MUC5B: variants seen among roughly 807,000 people sequenced by gnomAD.
MUC5B encodes the protein mucin-5B.
In MUC5B, 116 loss-of-function variants were observed where a neutral mutation model predicts 376.9. The ratio of observed to expected loss-of-function variants is 0.31; its 90% confidence interval spans 0.26 to 0.36. MUC5B has a LOEUF of 0.36. Among genes scored for constraint, MUC5B ranks in the 10% least tolerant of loss-of-function variants. MUC5B has a pLI of 1.00. For synonymous variants in MUC5B, 3,517 were observed against 3,390.9 expected, an observed-to-expected ratio of 1.04 and a Z score of -1.29; for missense variants, 7,165 against 7,769.9, an observed-to-expected ratio of 0.92 and a Z score of 2.93.
Position 1,242,728 on chromosome 11 carries a change from A to G in MUC5B, c.5848A>G (p.Ser1950Gly), listed in dbSNP as rs199519417. 1.9e-4 allele frequency: 305 copies of G among 1,612,360 alleles called. No individual in the cohort carries two copies. In the African/African-American group the frequency reaches 2.6e-3, roughly 14 times the overall value. ...TTTATTPTVTSSKATPSSSPG... is the reference protein window; with the variant it reads ...TTTATTPTVTGSKATPSSSPG... ...CACGGCCACCACACCCACAGTCACC[A>G]GCTCCAAAGCCACTCCCTCCTCCAG... Residue 1950 changes from serine to glycine, a missense_variant, in exon 31 of 49, where the codon AGC becomes GGC. This residue lies in a region of MUC5B where 897 missense variants were observed against 779.6 expected (regional missense o/e 1.15). Transcript: ENST00000529681.
Position 1,232,698 on chromosome 11 carries a change from G to T in MUC5B, c.1993G>T (p.Ala665Ser), listed in dbSNP as rs375985274. 1.1e-5 allele frequency: 18 copies of T among 1,599,414 alleles called. No individual in the cohort carries two copies. In the African/African-American group the frequency reaches 1.9e-4, roughly 17 times the overall value. The change falls in exon 17 of 49, where the codon GCG (alanine) becomes TCG (serine). Residue 665 changes from alanine to serine, a missense_variant. Physicochemically the swap from Ala to Ser is moderately conservative, Grantham distance 99. Around this residue, in one of 31 missense-constraint regions of MUC5B, gnomAD observed 530 missense variants for 604.0 expected, o/e 0.88. Coordinates refer to ENST00000529681, the MANE Select transcript of MUC5B (RefSeq NM_002458.3). Reference sequence around the variant, plus strand: ...GCGGAGCGAGGACTGCCTGTGCGCCGCGCTGTCCTCCTATGTGCACGCCTG... The same window carrying T: ...GCGGAGCGAGGACTGCCTGTGCGCCTCGCTGTCCTCCTATGTGCACGCCTG... Reference protein sequence around the residue: ...CERSEDCLCAALSSYVHACAA... With the variant: ...CERSEDCLCASLSSYVHACAA...
Position 1,246,359 on chromosome 11 carries a change from C to A in MUC5B, c.9479C>A (p.Thr3160Asn), listed in dbSNP as rs765444110. The A allele has an allele frequency of 1.2e-6, 2 of 1,604,582 alleles. No homozygotes were observed. Among genetic ancestry groups the A allele is most frequent in the South Asian group, 1.1e-5 (1 of 90,306 alleles). The change falls in exon 31 of 49, where the codon ACC becomes AAC. Residue 3160 changes from threonine to asparagine, a missense_variant. Coordinates refer to ENST00000529681, the MANE Select transcript of MUC5B (RefSeq NM_002458.3). ...GCCACCCCGTCCTCCACCCCAGGGA[C>A]CACCTGGATCCTCACAGAGCCCAGC... is the stretch of plus-strand genomic sequence containing the variant. ...PTATPSSTPG[T>N]TWILTEPSTT...
In MUC5B at chr11:1,247,410, C is replaced by T; in HGVS notation, c.10530C>T (p.Ser3510=). ...STTQHSTPAL[S]SPHPSSRTTE... ...CCCAGCACTCGACTCCAGCCCTGTC[C>T]AGCCCTCACCCTAGCAGCAGGACCA... Residue 3510 remains serine, a synonymous_variant, in exon 31 of 49, where the codon TCC becomes TCT. Transcript: ENST00000529681. 1 of 1,609,912 alleles carries T rather than the reference C, an allele frequency of 6.2e-7. No individual in the cohort carries two copies. Among genetic ancestry groups the T allele is most frequent in the Non-Finnish European group, 8.5e-7 (1 of 1,178,950 alleles).
chr11:1,226,127 G>A, intron 2 of MUC5B, 78 bp from the exon 3 acceptor site: 3 of 1,406,960 alleles, frequency 2.1e-6, no homozygotes, highest in Non-Finnish European at 2.9e-6. Flanking sequence ...TGGCTGGCGA[G>A]GAGGGTGGGC....
chr11:1,253,841 T>G lies in MUC5B; in HGVS notation c.15218-251T>G, dbSNP rs987776253. ...CCACGATGATGTCATTTCAAGATGC[T>G]TCCCTTAATCCCATCTGCAAAGACA... is the stretch of plus-strand genomic sequence containing the variant. On this transcript the variant is annotated intron_variant, in intron 33 of 48. Transcript: ENST00000529681. The surrounding 1 kb of genome is among the most constrained non-coding windows in gnomAD (Gnocchi z 4.3). Among the ~76,000 whole-genome samples, 2 of 152,176 alleles carry G rather than the reference T, an allele frequency of 1.3e-5. No individual in the cohort carries two copies. Among genetic ancestry groups the G allele is most frequent in the Non-Finnish European group, 2.9e-5 (2 of 68,024 alleles).
At chr11:1,226,540 G>T in intron 3 of MUC5B, 75 bp from the exon 4 acceptor site, 2 of 1,518,392 alleles carry the variant, frequency 1.3e-6, no homozygotes, top group South Asian at 2.5e-5. Context: ...CCAAAAACCA[G>T]GGTGCCTCGG....
chr11:1,228,312 G>A (rs1392850661), intron 7 of MUC5B, among the ~76,000 whole-genome samples: 2 of 152,184 alleles, frequency 1.3e-5, no homozygotes, highest in Non-Finnish European at 2.9e-5. Flanking sequence ...TGGGGTGGGG[G>A]TCTGCACCTT....
Position 1,241,884 on chromosome 11 carries a change from A to G in MUC5B, c.5004A>G (p.Thr1668=), listed in dbSNP as rs373138635. The part of the protein sequence containing the change: ...TSPRYTSTLG[T]ATTGGPTTPA... ...CCAGATACACAAGCACCCTTGGTACAGCCACCACGGGAGGCCCCACGACGC... is the reference window on the plus strand; with the variant it reads ...CCAGATACACAAGCACCCTTGGTACGGCCACCACGGGAGGCCCCACGACGC... The change falls in exon 31 of 49, where the codon ACA becomes ACG. Residue 1668 remains threonine (T), a synonymous_variant. Transcript: ENST00000529681. 1.1e-5 allele frequency: 17 copies of G among 1,612,488 alleles called. No individual in the cohort carries two copies. The highest frequency in any genetic ancestry group is 7.6e-6 in the Non-Finnish European group (9 of 1,179,434).
rs1312270238 is a variant in MUC5B at position 1,247,016 on chromosome 11, C to A, written c.10136C>A (p.Ser3379Tyr). 1.3e-6 allele frequency: 2 copies of A among 1,553,636 alleles called. No individual in the cohort carries two copies. Among genetic ancestry groups the A allele is most frequent in the Non-Finnish European group, 1.7e-6 (2 of 1,148,328 alleles). The part of the protein sequence containing the change: ...VATGSMATPS[S>Y]STQTSGTPPS... ...ACTGGTTCTATGGCAACACCCTCCT[C>A]TAGCACACAGACCAGTGGTACTCCC... The change falls in exon 31 of 49, where the codon TCT (serine) becomes TAT (tyrosine). Residue 3379 changes from serine to tyrosine, a missense_variant. Ser to Tyr is a moderately radical substitution (Grantham distance 144, BLOSUM62 -2). Coordinates refer to ENST00000529681, the MANE Select transcript of MUC5B (RefSeq NM_002458.3).
chr11:1,228,889 A>T, intron 8 of MUC5B, 124 bp downstream of exon 8: 1 of 575,322 alleles, frequency 1.7e-6, no homozygotes, highest in Non-Finnish European at 2.4e-6. Flanking sequence ...GACCCACCCC[A>T]GGCATAGTGG....
rs867713996 is a variant in MUC5B at position 1,226,235 on chromosome 11, T to C, written c.158T>C (p.Val53Ala). Residue 53 changes from valine to alanine, a missense_variant, in exon 3 of 49, where the codon GTG (valine) becomes GCG (alanine). Physicochemically the swap from Val to Ala is moderately conservative, Grantham distance 64. Around this residue, in one of 31 missense-constraint regions of MUC5B, gnomAD observed 640 missense variants for 733.0 expected, o/e 0.87. Coordinates refer to ENST00000529681, the MANE Select transcript of MUC5B (RefSeq NM_002458.3). Reference sequence around the variant, plus strand: ...CCGACGTCCTCGCCCACCCGGCGCGTGAGCTTTGTTCCACCCGTCACTGTC... The same window carrying C: ...CCGACGTCCTCGCCCACCCGGCGCGCGAGCTTTGTTCCACCCGTCACTGTC... ...GAPTSSPTRR[V>A]SFVPPVTVFP... 7.1e-6 allele frequency: 11 copies of C among 1,553,776 alleles called. No homozygotes were observed. Among genetic ancestry groups the C allele is most frequent in the Admixed American group, 1.9e-5 (1 of 52,118 alleles).
Position 1,242,059 on chromosome 11 carries a change from G to A in MUC5B, c.5179G>A (p.Ala1727Thr), listed in dbSNP as rs779933720. 1.9e-6 allele frequency: 3 copies of A among 1,599,852 alleles called. No homozygotes were observed. The highest frequency in any genetic ancestry group is 1.1e-5 in the South Asian group (1 of 89,374). Residue 1727 changes from alanine (A) to threonine (T), a missense_variant, in exon 31 of 49, where the codon GCT becomes ACT. Around this residue, in one of 31 missense-constraint regions of MUC5B, gnomAD observed 897 missense variants for 779.6 expected, o/e 1.15. Coordinates refer to ENST00000529681, the MANE Select transcript of MUC5B (RefSeq NM_002458.3). ...LAPTTMATSR[A>T]RPTGTASTAS... ...CCCAACAACAATGGCAACCTCCAGA[G>A]CTCGCCCGACAGGCACAGCCAGCAC... is the stretch of plus-strand genomic sequence containing the variant.
rs1436044310 is a variant in MUC5B at position 1,234,335 on chromosome 11, C to T, written c.2478+30C>T. ...GTTCCATGCTTCAGGGAGGGGTGGGCAGGGAAGGGGTCCCAGCTTTCCCAG... is the reference window on the plus strand; with the variant it reads ...GTTCCATGCTTCAGGGAGGGGTGGGTAGGGAAGGGGTCCCAGCTTTCCCAG... On this transcript the variant is annotated intron_variant, in intron 20 of 48. Transcript: ENST00000529681. The surrounding 1 kb of genome is among the most constrained non-coding windows in gnomAD (Gnocchi z 6.3). The T allele has an allele frequency of 3.5e-6, 5 of 1,448,056 alleles. No homozygotes were observed. In the East Asian group the frequency reaches 9.4e-5, roughly 27 times the overall value. 89.7% of individuals were successfully genotyped at this position (1,448,056 alleles called of 1,614,324 possible). A position where few individuals can be genotyped will look rare whatever the true frequency, so the allele number is the denominator to read the frequency against.
chr11:1,260,184 C>A, intron 46 of MUC5B, 99 bp downstream of exon 46: 2 of 1,408,284 alleles, frequency 1.4e-6, no homozygotes, highest in Non-Finnish European at 1.9e-6. Flanking sequence ...GGCCCCACCC[C>A]TGCTGGGGAG....
In MUC5B at chr11:1,258,442, C is replaced by T. The variant is rs1862904976; in HGVS notation, c.16593+75C>T. 2 of 1,536,640 alleles carry T rather than the reference C, an allele frequency of 1.3e-6. No individual in the cohort carries two copies. Among genetic ancestry groups the T allele is most frequent in the African/African-American group, 1.4e-5 (1 of 73,174 alleles). On this transcript the variant is annotated intron_variant, in intron 43 of 48. Coordinates refer to ENST00000529681, the MANE Select transcript of MUC5B (RefSeq NM_002458.3). The surrounding 1 kb of genome is among the most constrained non-coding windows in gnomAD (Gnocchi z 5.5). ...GTGGGATGCCCCGGGGCTCTCTGAG[C>T]CCCACTCCTTGTCTTGACATTCCTG... is the stretch of plus-strand genomic sequence containing the variant.
intron 2 of MUC5B, among the ~76,000 whole-genome samples, chr11:1,225,985 C>A (rs1178034054): frequency 6.6e-6 from 1 of 152,238 alleles, no homozygotes; most frequent in Non-Finnish European, 1.5e-5. Context: ...CCCACACTTA[C>A]ACTGGCACAC....
intron 25 of MUC5B, among the ~76,000 whole-genome samples, chr11:1,237,404 C>A (rs908347464): frequency 1.3e-5 from 2 of 152,224 alleles, no homozygotes; most frequent in African/African-American, 4.8e-5. Flanking sequence ...TGACCACAGC[C>A]TCAGTCACAC....
rs565668966 is a variant in MUC5B at position 1,229,663 on chromosome 11, G to A, written c.1103-27G>A. On this transcript the variant is annotated intron_variant, in intron 9 of 48. Coordinates refer to ENST00000529681, the MANE Select transcript of MUC5B (RefSeq NM_002458.3). ...CCTTGGTGTCCCCCGTGCATGGGCC[G>A]GCCCTGCCTCACGCCGCGCCCCACA... 7.3e-4 allele frequency: 1,115 copies of A among 1,529,208 alleles called. 24 individuals are homozygous for A. In the South Asian group the frequency reaches 0.012, roughly 16 times the overall value. 94.7% of individuals were successfully genotyped at this position (1,529,208 alleles called of 1,614,324 possible).
At position 1,239,009 on chromosome 11, in the gene MUC5B, C is replaced by A. The variant is rs374136981; in HGVS notation, c.3436C>A (p.Arg1146=). ...CHDAGLCVSW[R]TPDTCPLFCD... is the part of the protein sequence containing the mutation. ...CGACGCGGGCCTGTGTGTGTCCTGG[C>A]GGACTCCGGACACCTGCCGTGAGTC... is the stretch of plus-strand genomic sequence containing the variant. The change falls in exon 26 of 49, where the codon CGG becomes AGG. Residue 1146 remains arginine, a synonymous_variant. Coordinates refer to ENST00000529681, the MANE Select transcript of MUC5B (RefSeq NM_002458.3). The A allele has an allele frequency of 2.6e-4, 406 of 1,571,044 alleles. 2 individuals are homozygous for A. Among genetic ancestry groups the A allele is most frequent in the South Asian group, 1.7e-3 (143 of 85,658 alleles).
Sources: allele counts gnomAD v4.1 joint callset (sites outside exome capture counted in the v4.1 genomes callset), GRCh38; gene constraint gnomAD v4.1.1; regional missense constraint gnomAD v4.1.1; non-coding constraint Gnocchi (gnomAD v3.1); transcripts MANE v1.5; gene names NCBI Gene and HGNC (gene_info 2026-07-23, HGNC 2026-07-21).